FHOD3: variants seen among roughly 807,000 people sequenced by gnomAD.
FHOD3 encodes the protein formin homology 2 domain containing 3, also known as FH1/FH2 domain-containing protein 3.
In FHOD3, 90 loss-of-function variants were observed where a neutral mutation model predicts 173.0. The ratio of observed to expected loss-of-function variants is 0.52; its 90% CI spans 0.44 to 0.62. The LOEUF (loss-of-function observed/expected upper bound fraction) is 0.62. Ranked by LOEUF, FHOD3 falls within the 20% of genes least tolerant of loss-of-function variation. The pLI, the probability that FHOD3 is intolerant of heterozygous loss-of-function variation, is 0.00. For missense variants in FHOD3, 1,945 were observed against 2,034.7 expected (o/e 0.96, Z 0.85); for synonymous variants, 828 against 823.0 (o/e 1.01, Z -0.10).
At chr18:36,487,359 G>T (rs992355660) in intron 3 of FHOD3, among the ~76,000 whole-genome samples, 2 of 152,128 alleles carry the variant, frequency 1.3e-5, no homozygotes, top group African/African-American at 2.4e-5. Flanking sequence ...CATGCAAAAC[G>T]TAGCCAAGAG....
At position 36,753,749 on chromosome 18, in the gene FHOD3, C is replaced by T. The variant is rs77870762; in HGVS notation, c.4233-1370C>T. Among the ~76,000 whole-genome samples the T allele has an allele frequency of 8.9e-3, 1,361 of 152,286 alleles. 14 individuals are homozygous for T. The highest frequency in any genetic ancestry group is 0.031 in the African/African-American group (1,298 of 41,560). On this transcript the variant is annotated intron_variant, in intron 24 of 28. Coordinates refer to ENST00000590592, the MANE Select transcript of FHOD3 (RefSeq NM_001281740.3). ...AGCCTGTCTCTTTTATTACAGCCAT[C>T]CTGGTGGGTGTATGTGGTGTCTCCT...
chr18:36,411,284 AC>A (rs775706353), intron 3 of FHOD3, among the ~76,000 whole-genome samples: 4 of 152,250 alleles, frequency 2.6e-5, no homozygotes, highest in Non-Finnish European at 5.9e-5. Context: ...GTTAATAAAT[AC>A]ATTTTAAATT....
intron 27 of FHOD3, among the ~76,000 whole-genome samples, chr18:36,768,925 GA>G (rs2150365824): frequency 6.6e-6 from 1 of 152,262 alleles, no homozygotes; most frequent in Non-Finnish European, 1.5e-5. Flanking sequence ...GCCCTCAGGT[GA>G]TCACAGGACC....
intron 5 of FHOD3, among the ~76,000 whole-genome samples, chr18:36,518,396 G>A (rs1482928760): frequency 6.6e-6 from 1 of 152,218 alleles, no homozygotes; most frequent in African/African-American, 2.4e-5. Context: ...TAGCTGTACA[G>A]CTAGGCTTTG....
At chr18:36,662,788 A>G (rs992100422) in intron 14 of FHOD3, among the ~76,000 whole-genome samples, 1 of 152,176 alleles carries the variant, frequency 6.6e-6, no homozygotes, top group Non-Finnish European at 1.5e-5. Flanking sequence ...TATAGGCACT[A>G]TGTTATGTAG....
intron 5 of FHOD3, among the ~76,000 whole-genome samples, chr18:36,572,703 T>C (rs1348405537): frequency 2.8e-5 from 4 of 143,370 alleles, no homozygotes; most frequent in African/African-American, 1.0e-4. Flanking sequence ...CTTGGGCACT[T>C]GGCCAGTACC....
At chr18:36,633,928 G>A (rs953398451) in intron 10 of FHOD3, among the ~76,000 whole-genome samples, 11 of 152,184 alleles carry the variant, frequency 7.2e-5, no homozygotes, top group Non-Finnish European at 1.6e-4. Context: ...TTCTGAAAAT[G>A]TTCAGAGCAA....
intron 3 of FHOD3, among the ~76,000 whole-genome samples, chr18:36,393,215 C>T (rs533165937): frequency 1.3e-4 from 20 of 152,278 alleles, no homozygotes; most frequent in Admixed American, 9.2e-4. Context: ...AACGTAATGG[C>T]GAAAGCATTT....
intron 3 of FHOD3, among the ~76,000 whole-genome samples, chr18:36,443,250 G>T (rs547078288): frequency 2.6e-5 from 4 of 152,216 alleles, no homozygotes; most frequent in Middle Eastern, 3.4e-3. Context: ...TGCCTGTGAC[G>T]ATCATTACTG....
chr18:36,369,440 A>AAC (rs59109469), intron 2 of FHOD3, among the ~76,000 whole-genome samples: 7,095 of 94,090 alleles, frequency 0.075, 308 homozygotes, highest in Middle Eastern at 0.11. Flanking sequence ...ATTTTATTTA[A>AAC]ACACACACAC....
At chr18:36,679,950 C>G (rs1226985642) in intron 14 of FHOD3, among the ~76,000 whole-genome samples, 3 of 152,184 alleles carry the variant, frequency 2.0e-5, no homozygotes, top group Admixed American at 2.0e-4. Context: ...TTATCAATTA[C>G]TGTGCAAGAG....
intron 3 of FHOD3, among the ~76,000 whole-genome samples, chr18:36,412,237 G>A (rs150680160): frequency 5.8e-4 from 89 of 152,220 alleles, no homozygotes; most frequent in Non-Finnish European, 1.1e-3. Flanking sequence ...ATGTGATGAG[G>A]GGATCCGTAT....
chr18:36,322,769 G>GC (rs1260129894), intron 1 of FHOD3, among the ~76,000 whole-genome samples: 1 of 152,152 alleles, frequency 6.6e-6, no homozygotes, highest in Non-Finnish European at 1.5e-5. Flanking sequence ...GCTGCTTTGT[G>GC]CTTGCTGGCT....
At chr18:36,725,943 G>C (rs2041043155) in intron 19 of FHOD3, among the ~76,000 whole-genome samples, 1 of 151,874 alleles carries the variant, frequency 6.6e-6, no homozygotes, top group South Asian at 2.1e-4. Context: ...ATAGCTGATT[G>C]GGTAGATATT....
chr18:36,631,793 T>C (rs2034533336), intron 10 of FHOD3, among the ~76,000 whole-genome samples: 3 of 152,218 alleles, frequency 2.0e-5, no homozygotes, highest in African/African-American at 7.2e-5. Flanking sequence ...ATTTCTGTTA[T>C]TCTGTGGAAA....
chr18:36,707,132 G>A (rs889595136), intron 17 of FHOD3, among the ~76,000 whole-genome samples: 1 of 152,174 alleles, frequency 6.6e-6, no homozygotes, highest in Non-Finnish European at 1.5e-5. Context: ...TCTCAGACAC[G>A]TGGCCTCACA....
At chr18:36,344,027 G>T (rs1338427867) in intron 1 of FHOD3, among the ~76,000 whole-genome samples, 1 of 152,146 alleles carries the variant, frequency 6.6e-6, no homozygotes, top group Non-Finnish European at 1.5e-5. Context: ...ATACAACTCT[G>T]TGAATATACT....
chr18:36,471,857 G>A (rs995901749), intron 3 of FHOD3, among the ~76,000 whole-genome samples: 9 of 152,090 alleles, frequency 5.9e-5, no homozygotes, highest in African/African-American at 1.9e-4. Context: ...TCCCGGGGAC[G>A]TTTCACATAA....
chr18:36,604,981 T>C (rs1417958255), intron 8 of FHOD3, among the ~76,000 whole-genome samples: 3 of 152,238 alleles, frequency 2.0e-5, no homozygotes, highest in African/African-American at 7.2e-5. Flanking sequence ...CCAGGTCACA[T>C]TGGCAATGAT....
Sources: allele counts gnomAD v4.1 joint callset (sites outside exome capture counted in the v4.1 genomes callset), GRCh38; gene constraint gnomAD v4.1.1; transcripts MANE v1.5; gene names NCBI Gene and HGNC (gene_info 2026-07-23, HGNC 2026-07-21).